Variants in TMEM232 observed in about 807,000 individuals in gnomAD.
The protein encoded by TMEM232 is transmembrane protein 232.
In TMEM232, 80 loss-of-function variants were observed where a neutral mutation model predicts 78.8. The ratio of observed to expected loss-of-function variants is 1.01; its 90% CI spans 0.85 to 1.22. TMEM232 has a LOEUF of 1.22. TMEM232 is among the 50% of genes most tolerant of loss of function. The pLI is 0.00. For synonymous variants in TMEM232, 297 were observed against 254.3 expected (o/e 1.17, Z -1.60); for missense variants, 881 against 742.2 (o/e 1.19, Z -2.17).
intron 12 of TMEM232, among the ~76,000 whole-genome samples, chr5:110,525,846 G>C (rs1770507045): frequency 6.6e-6 from 1 of 150,844 alleles, no homozygotes; most frequent in Admixed American, 6.6e-5. Flanking sequence ...GGTTAGAATA[G>C]CTTAGAATAA....
rs182207431 is a variant in TMEM232, at chr5:110,576,033, G to A, written c.1277-7408C>T. On this transcript the variant is annotated intron_variant, in intron 10 of 13. Transcript: ENST00000455884. The stretch of plus-strand genomic sequence containing the variant: ...CCAGGGGGCCGCGCAGTGATGGTCC[G>A]CAGACTTCAATTCCACAGCACCTTG... 4.6e-5 allele frequency among the ~76,000 whole-genome samples: 7 copies of A among 152,088 alleles called. No homozygotes were observed. In the East Asian group the frequency reaches 5.8e-4, roughly 13 times the overall value.
chr5:110,618,689 A>G (rs1783248058), intron 7 of TMEM232, 127 bp from the exon 8 acceptor site: 1 of 1,011,960 alleles, frequency 9.9e-7, no homozygotes, highest in Admixed American at 3.2e-5. Context: ...CTTACACTTT[A>G]TATTTCACCA....
At chr5:110,616,183 C>G (rs1246111331) in intron 8 of TMEM232, among the ~76,000 whole-genome samples, 2 of 151,908 alleles carry the variant, frequency 1.3e-5, no homozygotes, top group Non-Finnish European at 2.9e-5. Context: ...TATTACAAAG[C>G]TATAGTAATC....
At chr5:110,686,778 G>A (rs1383932380) in intron 1 of TMEM232, among the ~76,000 whole-genome samples, 1 of 152,114 alleles carries the variant, frequency 6.6e-6, no homozygotes. Flanking sequence ...TCTCTCTGAT[G>A]TACGAAAATA....
intron 1 of TMEM232, among the ~76,000 whole-genome samples, chr5:110,706,576 C>A (rs932639153): frequency 1.3e-5 from 2 of 152,104 alleles, no homozygotes; most frequent in African/African-American, 4.8e-5. Flanking sequence ...TTGCCTCTTT[C>A]CTCTATTTCT....
At chr5:110,532,887 G>C (rs545042973) in intron 11 of TMEM232, among the ~76,000 whole-genome samples, 16 of 152,302 alleles carry the variant, frequency 1.1e-4, no homozygotes, top group Non-Finnish European at 1.5e-5. Context: ...GCTTGCTACA[G>C]CATGGCCTTT....
At chr5:110,445,259 A>G (rs1759521705) in intron 12 of TMEM232, among the ~76,000 whole-genome samples, 1 of 151,956 alleles carries the variant, frequency 6.6e-6, no homozygotes, top group African/African-American at 2.4e-5. Flanking sequence ...TCTCTCTATT[A>G]ATATTTTAAC....
chr5:110,606,080 A>G, intron 9 of TMEM232, 84 bp downstream of exon 9: 1 of 1,338,384 alleles, frequency 7.5e-7, no homozygotes, highest in East Asian at 2.6e-5. Flanking sequence ...TATATGCGCT[A>G]ATACGATATA....
chr5:110,707,531 A>T (rs1796046909), intron 1 of TMEM232, among the ~76,000 whole-genome samples: 1 of 152,200 alleles, frequency 6.6e-6, no homozygotes, highest in South Asian at 2.1e-4. Context: ...AAGCCTTGGC[A>T]CCACAGGCCA....
At chr5:110,577,612 G>C (rs896131798) in intron 10 of TMEM232, among the ~76,000 whole-genome samples, 1 of 152,026 alleles carries the variant, frequency 6.6e-6, no homozygotes, top group Non-Finnish European at 1.5e-5. Flanking sequence ...CAAAGACATA[G>C]AATCAACCTA....
chr5:110,516,616 G>A (rs1177467538), intron 12 of TMEM232, among the ~76,000 whole-genome samples: 1 of 151,958 alleles, frequency 6.6e-6, no homozygotes, highest in Admixed American at 6.6e-5. Flanking sequence ...AAAAAATGCT[G>A]AGGGGCAAAA....
chr5:110,716,263 G>T (rs1055862560), intron 1 of TMEM232, among the ~76,000 whole-genome samples: 1 of 152,074 alleles, frequency 6.6e-6, no homozygotes, highest in Non-Finnish European at 1.5e-5. Context: ...CCAGTTTGGT[G>T]GAAGAAAATT....
chr5:110,422,158 G>A (rs1319476929), intron 13 of TMEM232, among the ~76,000 whole-genome samples: 1 of 151,916 alleles, frequency 6.6e-6, no homozygotes, highest in Non-Finnish European at 1.5e-5. Flanking sequence ...AGTTATAGTT[G>A]GTATAATAAT....
intron 10 of TMEM232, among the ~76,000 whole-genome samples, chr5:110,580,364 T>A (rs1247221207): frequency 2.0e-5 from 3 of 151,712 alleles, no homozygotes; most frequent in Admixed American, 2.0e-4. Context: ...CCTATAGTAT[T>A]CAGTACATTA....
chr5:110,604,705 T>C (rs1054057042), intron 10 of TMEM232, among the ~76,000 whole-genome samples: 12 of 152,136 alleles, frequency 7.9e-5, no homozygotes, highest in Admixed American at 7.9e-4. Context: ...ACGAATGCAA[T>C]CCCAGCACTT....
intron 2 of TMEM232, among the ~76,000 whole-genome samples, chr5:110,733,883 T>C (rs1798924339): frequency 6.6e-6 from 1 of 152,218 alleles, no homozygotes; most frequent in Non-Finnish European, 1.5e-5. Context: ...ATTCAACTTA[T>C]AAAAATCCAG....
At chr5:110,584,931 A>C (rs1778636419) in intron 10 of TMEM232, among the ~76,000 whole-genome samples, 1 of 152,056 alleles carries the variant, frequency 6.6e-6, no homozygotes, top group Admixed American at 6.6e-5. Context: ...TTAAAGTGAC[A>C]AGTTGGAATG....
At chr5:110,558,650 C>T (rs893582124) in intron 11 of TMEM232, among the ~76,000 whole-genome samples, 22 of 152,134 alleles carry the variant, frequency 1.4e-4, no homozygotes, top group African/African-American at 5.3e-4. Flanking sequence ...ACAAGTCCAA[C>T]AGTCAATAAA....
At chr5:110,714,561 T>C (rs899174360) in intron 1 of TMEM232, among the ~76,000 whole-genome samples, 1 of 152,188 alleles carries the variant, frequency 6.6e-6, no homozygotes, top group Admixed American at 6.5e-5. Flanking sequence ...TAAGGTGTAA[T>C]GTCTGTTATT....
Sources: gnomAD v4.1 joint callset for allele counts (sites outside exome capture counted in the v4.1 genomes callset) on GRCh38, gnomAD v4.1.1 for gene constraint, MANE v1.5 for transcripts, NCBI Gene and HGNC (gene_info 2026-07-23, HGNC 2026-07-21) for gene names.